The following SLC2A8 variants were observed in gnomAD, a reference collection of about 807,000 sequenced individuals.
SLC2A8 encodes the protein solute carrier family 2, facilitated glucose transporter member 8.
Under a neutral mutation model 49.2 loss-of-function variants are expected in SLC2A8, and 53 were observed. That is an observed-to-expected ratio of 1.08 (90% CI 0.86 to 1.35). SLC2A8 has a LOEUF of 1.35. Ranked by LOEUF, SLC2A8 falls within the 40% of genes most tolerant of loss-of-function variation. The pLI is 0.00. For synonymous variants in SLC2A8, 299 were observed against 297.0 expected (o/e 1.01, Z -0.07); for missense variants, 688 against 671.7 (o/e 1.02, Z -0.27).
Position 127,403,772 on chromosome 9 carries a change from C to T in SLC2A8, c.836C>T (p.Ala279Val). The change falls in exon 6 of 10, where the codon GCA becomes GTA. Residue 279 changes from alanine (A) to valine (V), a missense_variant. Transcript: ENST00000373371. ...GGGGTCAACGCCGTCATGTTCTATG[C>T]AGAGACCATCTTTGAAGAGGCCAAG... ...LSGVNAVMFY[A>V]ETIFEEAKFK... is the part of the protein sequence containing the mutation. The T allele has an allele frequency of 6.2e-7, 1 of 1,613,240 alleles. No homozygotes were observed. Among genetic ancestry groups the T allele is most frequent in the Non-Finnish European group, 8.5e-7 (1 of 1,179,970 alleles).
chr9:127,405,631 T>C lies in SLC2A8; in HGVS notation c.1296+66T>C, dbSNP rs1001950330. The C allele has an allele frequency of 5.0e-6, 8 of 1,589,048 alleles. No individual in the cohort carries two copies. The East Asian group carries it at 1.3e-4, about 27-fold the overall frequency. On this transcript the variant is annotated intron_variant, in intron 9 of 9. Coordinates refer to ENST00000373371, the MANE Select transcript of SLC2A8 (RefSeq NM_014580.5). ...CCGAGAAGCACTTTCTAAAACCACTTGTATTGCAGAAGACCCAGGGTCGTG... is the reference window on the plus strand; with the variant it reads ...CCGAGAAGCACTTTCTAAAACCACTCGTATTGCAGAAGACCCAGGGTCGTG...
rs1471534377 is a variant in SLC2A8, at chr9:127,402,720, G to C, written c.690G>C (p.Gln230His). The C allele has an allele frequency of 6.4e-7, 1 of 1,554,532 alleles. No individual in the cohort carries two copies. The highest frequency in any genetic ancestry group is 8.7e-7 in the Non-Finnish European group (1 of 1,150,150). ...TGCGGTTCCTGTGGGGCTCCGAGCA[G>C]GGCTGGGAAGACCCCCCCATCGGGG... ...AALRFLWGSEQGWEDPPIGAE... is the reference protein window; with the variant it reads ...AALRFLWGSEHGWEDPPIGAE... The change falls in exon 5 of 10, where the codon CAG becomes CAC. Residue 230 changes from glutamine (Q) to histidine (H), a missense_variant. By Grantham distance (24) the Gln-to-His change is conservative. Transcript: ENST00000373371.
rs1564216602 is a variant in SLC2A8, at chr9:127,402,586, G to C, written c.556G>C (p.Val186Leu). 1.9e-6 allele frequency: 3 copies of C among 1,586,178 alleles called. No individual in the cohort carries two copies. Among genetic ancestry groups the C allele is most frequent in the Non-Finnish European group, 2.6e-6 (3 of 1,169,842 alleles). Residue 186 changes from valine to leucine, a missense_variant, in exon 5 of 10, where the codon GTG becomes CTG. By Grantham distance (32) the Val-to-Leu change is conservative. Coordinates refer to ENST00000373371, the MANE Select transcript of SLC2A8 (RefSeq NM_014580.5). ...GGTGCTGGAGTGGCGCTGGCTGGCT[G>C]TGCTGGGCTGCGTGCCCCCCTCCCT... The part of the protein sequence containing the change: ...GWVLEWRWLA[V>L]LGCVPPSLML...
chr9:127,397,858 T>C, intron 2 of SLC2A8, 47 bp from the exon 3 acceptor site: 1 of 1,427,242 alleles, frequency 7.0e-7, no homozygotes, highest in African/African-American at 1.5e-5. Flanking sequence ...AGGGGGAGGA[T>C]GGGCTGCGGC....
At position 127,407,637 on chromosome 9, in the gene SLC2A8, G is replaced by T; in HGVS notation, c.*388G>T. 2.8e-6 allele frequency: 1 copy of T among 356,330 alleles called. No individual in the cohort carries two copies. 22.1% of individuals were successfully genotyped at this position (356,330 alleles called of 1,614,324 possible). On this transcript the variant is annotated 3_prime_UTR_variant, in exon 10 of 10. Transcript: ENST00000373371. ...GGCTGCCTTATCGGGAAGGAAATTTGTTTGCCAAATAAAGACTGACACAGA... is the reference window on the plus strand; with the variant it reads ...GGCTGCCTTATCGGGAAGGAAATTTTTTTGCCAAATAAAGACTGACACAGA...
chr9:127,402,780 A>C, intron 5 of SLC2A8, 27 bp downstream of exon 5: 1 of 1,514,508 alleles, frequency 6.6e-7, no homozygotes, highest in Non-Finnish European at 8.8e-7. Flanking sequence ...CAGAGCTGAC[A>C]GGAGTGGGAC....
chr9:127,397,988 G>A lies in SLC2A8; in HGVS notation c.303G>A (p.Leu101=). 6.5e-7 allele frequency: 1 copy of A among 1,548,392 alleles called. No individual in the cohort carries two copies. Among genetic ancestry groups the A allele is most frequent in the South Asian group, 1.2e-5 (1 of 85,044 alleles). Residue 101 remains leucine (L), a synonymous_variant, in exon 3 of 10, where the codon TTG becomes TTA. Transcript: ENST00000373371. ...VDRAGRKLSL[L]LCSVPFVAGF... ...GCGCCGGGCGCAAGCTGAGCCTCTT[G>A]CTGTGCTCCGTGCCCTTCGTGGCCG...
rs776778724 is a variant in SLC2A8 at position 127,402,737 on chromosome 9, C to G, written c.707C>G (p.Pro236Arg). ...WGSEQGWEDP[P>R]IGAEQSFHLA... ...TCCGAGCAGGGCTGGGAAGACCCCC[C>G]CATCGGGGCTGAGCAGGTGAGAGGC... is the stretch of plus-strand genomic sequence containing the variant. Residue 236 changes from proline to arginine, a missense_variant, in exon 5 of 10, where the codon CCC (proline) becomes CGC (arginine). Pro to Arg is a moderately radical substitution (Grantham distance 103, BLOSUM62 -2). Transcript: ENST00000373371. 1.2e-5 allele frequency: 19 copies of G among 1,548,044 alleles called. No homozygotes were observed. The highest frequency in any genetic ancestry group is 2.4e-5 in the East Asian group (1 of 41,538).
chr9:127,397,574 C>T, intron 2 of SLC2A8, 36 bp downstream of exon 2: 1 of 1,370,796 alleles, frequency 7.3e-7, no homozygotes, highest in Non-Finnish European at 9.3e-7. Context: ...GCCCTGGGAC[C>T]CCACGCCCTC....
In SLC2A8 at chr9:127,407,555, C is replaced by T. The variant is rs1833534620; in HGVS notation, c.*306C>T. On this transcript the variant is annotated 3_prime_UTR_variant, in exon 10 of 10. Coordinates refer to ENST00000373371, the MANE Select transcript of SLC2A8 (RefSeq NM_014580.5). ...GGTGGGCCTCTAGGATCTTTGTCTTCTGGCTGGAGGTGCTTTTGGAGGTTG... is the reference window on the plus strand; with the variant it reads ...GGTGGGCCTCTAGGATCTTTGTCTTTTGGCTGGAGGTGCTTTTGGAGGTTG... 2.1e-6 allele frequency: 1 copy of T among 480,432 alleles called. No homozygotes were observed. The highest frequency in any genetic ancestry group is 1.7e-5 in the South Asian group (1 of 59,404). 29.8% of individuals were successfully genotyped at this position (480,432 alleles called of 1,614,324 possible).
At position 127,400,166 on chromosome 9, in the gene SLC2A8, C is replaced by CTTTTTTTTTTTTTTTTTT. The variant is rs796202714; in HGVS notation, c.526+177_526+178insTTTTTTTTTTTTTTTTTT. Reference sequence around the variant, plus strand: ...TCCTGGGACCTTGGGATAGGTGAGTCTTTTTTTTTTTTTTTTTGAGACAGA... The same window carrying CTTTTTTTTTTTTTTTTTT: ...TCCTGGGACCTTGGGATAGGTGAGTCTTTTTTTTTTTTTTTTTTTTTTTTTTTTTTTTTTTGAGACAGA... On this transcript the variant is annotated intron_variant, in intron 4 of 9. Coordinates refer to ENST00000373371, the MANE Select transcript of SLC2A8 (RefSeq NM_014580.5). Among the ~76,000 whole-genome samples the CTTTTTTTTTTTTTTTTTT allele has an allele frequency of 1.7e-3, 204 of 116,768 alleles. 21 individuals are homozygous for CTTTTTTTTTTTTTTTTTT. Among genetic ancestry groups the CTTTTTTTTTTTTTTTTTT allele is most frequent in the African/African-American group, 5.2e-3 (154 of 29,450 alleles). 76.6% of individuals were successfully genotyped at this position (116,768 alleles called of 152,430 possible).
Position 127,402,672 on chromosome 9 carries a change from G to A in SLC2A8, c.642G>A (p.Arg214=). Residue 214 remains arginine (R), a synonymous_variant, in exon 5 of 10, where the codon AGG becomes AGA. Transcript: ENST00000373371. ...ETPRFLLTQH[R]RQEAMAALRF... is the part of the protein sequence containing the mutation. Reference sequence around the variant, plus strand: ...CGCGCTTCCTGCTGACTCAGCACAGGCGCCAGGAGGCCATGGCCGCCCTGC... The same window carrying A: ...CGCGCTTCCTGCTGACTCAGCACAGACGCCAGGAGGCCATGGCCGCCCTGC... The A allele has an allele frequency of 6.3e-7, 1 of 1,578,404 alleles. No individual in the cohort carries two copies.
intron 5 of SLC2A8, 90 bp downstream of exon 5, chr9:127,402,843 G>T (rs1254728168): frequency 5.8e-6 from 8 of 1,388,102 alleles, no homozygotes; most frequent in Non-Finnish European, 7.6e-6. Flanking sequence ...CACTTGGGGG[G>T]TGGGGGACAG....
rs147518454 is a variant in SLC2A8, at chr9:127,402,258, G to A, written c.527-299G>A. 618 of 358,524 alleles carry A rather than the reference G, an allele frequency of 1.7e-3. 13 individuals are homozygous for A. The East Asian group carries it at 0.028, about 16-fold the overall frequency. The allele number at this position is 358,524 out of a possible 1,614,324, so 22.2% of individuals were successfully genotyped here. A position where few individuals can be genotyped will look rare whatever the true frequency, so the allele number is the denominator to read the frequency against. On this transcript the variant is annotated intron_variant, in intron 4 of 9. Transcript: ENST00000373371. ...CAAATGGTGCCACATCATACCATGC[G>A]GACACGCAGCAAGCACCTCATCCTT...
intron 3 of SLC2A8, 65 bp downstream of exon 3, chr9:127,398,176 C>A (rs564818739): frequency 2.0e-6 from 3 of 1,508,096 alleles, no homozygotes; most frequent in East Asian, 4.6e-5. Flanking sequence ...TGGGACAAAC[C>A]GCTCCCCAGG....
chr9:127,401,896 C>T (rs1486519011), intron 4 of SLC2A8, among the ~76,000 whole-genome samples: 2 of 152,204 alleles, frequency 1.3e-5, no homozygotes, highest in Non-Finnish European at 2.9e-5. Context: ...GTAATTAGAG[C>T]AGCAATGCCC....
At position 127,407,425 on chromosome 9, in the gene SLC2A8, T is replaced by C; in HGVS notation, c.*176T>C. 1.3e-6 allele frequency: 1 copy of C among 793,336 alleles called. No homozygotes were observed. The highest frequency in any genetic ancestry group is 1.4e-5 in the South Asian group (1 of 69,990). The allele number at this position is 793,336 out of a possible 1,614,324, so 49.1% of individuals were successfully genotyped here. A position where few individuals can be genotyped will look rare whatever the true frequency, so the allele number is the denominator to read the frequency against. On this transcript the variant is annotated 3_prime_UTR_variant, in exon 10 of 10. Coordinates refer to ENST00000373371, the MANE Select transcript of SLC2A8 (RefSeq NM_014580.5). Reference sequence around the variant, plus strand: ...ACCCGGGGCTAGGAGGCTCACTGCCTCCTGTTCCAGCTCCTGCTGCTGCTC... The same window carrying C: ...ACCCGGGGCTAGGAGGCTCACTGCCCCCTGTTCCAGCTCCTGCTGCTGCTC...
intron 7 of SLC2A8, 150 bp downstream of exon 7, chr9:127,404,217 C>A: frequency 1.6e-6 from 1 of 613,824 alleles, no homozygotes; most frequent in Non-Finnish European, 2.9e-6. Context: ...TGTCACCAAG[C>A]ACTCACTGCA....
chr9:127,405,480 A>G lies in SLC2A8; in HGVS notation c.1211A>G (p.His404Arg). Reference sequence around the variant, plus strand: ...CTCATGTCAGAGATCTTCCCTCTGCATGTCAAGGGCGTGGCGACAGGCATC... The same window carrying G: ...CTCATGTCAGAGATCTTCCCTCTGCGTGTCAAGGGCGTGGCGACAGGCATC... ...WLLMSEIFPL[H>R]VKGVATGICV... Residue 404 changes from histidine (H) to arginine (R), a missense_variant, in exon 9 of 10, where the codon CAT (histidine) becomes CGT (arginine). Coordinates refer to ENST00000373371, the MANE Select transcript of SLC2A8 (RefSeq NM_014580.5). 1 of 1,613,126 alleles carries G rather than the reference A, an allele frequency of 6.2e-7. No individual in the cohort carries two copies. The highest frequency in any genetic ancestry group is 8.5e-7 in the Non-Finnish European group (1 of 1,179,992).
Sources: gnomAD v4.1 joint callset for allele counts (sites outside exome capture counted in the v4.1 genomes callset) on GRCh38, gnomAD v4.1.1 for gene constraint, MANE v1.5 for transcripts, NCBI Gene and HGNC (gene_info 2026-07-23, HGNC 2026-07-21) for gene names.